SLC12A5: variants seen among roughly 807,000 people sequenced by gnomAD.
SLC12A5 encodes the protein solute carrier family 12 member 5.
Under a neutral mutation model 124.0 loss-of-function variants are expected in SLC12A5, and 18 were observed. That is an observed-to-expected ratio of 0.15 (90% CI 0.10 to 0.22). SLC12A5 has a LOEUF of 0.22. Ranked by LOEUF, SLC12A5 falls within the 10% of genes least tolerant of loss-of-function variation. The pLI, the probability that SLC12A5 is intolerant of heterozygous loss-of-function variation, is 1.00. For synonymous variants in SLC12A5, 589 were observed against 568.0 expected, an observed-to-expected ratio of 1.04 and a Z score of -0.53; for missense variants, 867 against 1,478.7, an observed-to-expected ratio of 0.59 and a Z score of 6.78.
intron 2 of SLC12A5, chr20:46,023,279 T>C: frequency 2.5e-6 from 1 of 398,540 alleles, no homozygotes; most frequent in Non-Finnish European, 4.4e-6. Flanking sequence ...TAATCTCTTT[T>C]CTCATTTTCA....
At chr20:46,042,452 C>T (rs1401390157) in intron 8 of SLC12A5, among the ~76,000 whole-genome samples, 1 of 152,088 alleles carries the variant, frequency 6.6e-6, no homozygotes. Context: ...GTGGGAATTA[C>T]TGCAGTGCTT....
rs2084513183 is a variant in SLC12A5 at position 46,037,995 on chromosome 20, G to C, written c.612+610G>C. ...GAAACCAGGTTGCTGGGCAGTGCTT[G>C]AAGTCAGGACTGGTGACTTAGGTCT... On this transcript the variant is annotated intron_variant, in intron 6 of 25. Transcript: ENST00000243964. Among the ~76,000 whole-genome samples, 2 of 152,148 alleles carry C rather than the reference G, an allele frequency of 1.3e-5. 1 individual carries two copies. Among genetic ancestry groups the C allele is most frequent in the South Asian group, 4.1e-4 (2 of 4,824 alleles).
Position 46,053,570 on chromosome 20 carries a change from G to C in SLC12A5, c.2548-8G>C. Reference sequence around the variant, plus strand: ...TGGACCTTTCTGAATCCCCTTCATCGCCTGCAGGTCTGGCGGAAGTGCAAG... The same window carrying C: ...TGGACCTTTCTGAATCCCCTTCATCCCCTGCAGGTCTGGCGGAAGTGCAAG... On this transcript the variant is annotated splice_region_variant and splice_polypyrimidine_tract_variant and intron_variant, in intron 19 of 25. Transcript: ENST00000243964. This position sits in a 1 kb window ranked among gnomAD's most constrained non-coding sequence, Gnocchi z 4.7. 1 of 1,613,320 alleles carries C rather than the reference G, an allele frequency of 6.2e-7. No homozygotes were observed. Among genetic ancestry groups the C allele is most frequent in the Non-Finnish European group, 8.5e-7 (1 of 1,179,586 alleles).
rs771764422 is a variant in SLC12A5 at position 46,045,541 on chromosome 20, TAC to T, written c.1570-336_1570-335del. The stretch of plus-strand genomic sequence containing the variant: ...CAAAGGGCAAGAAAAGGGTAGCTTT[TAC>T]CATGGTGCTAAAAAAAAAAGACGGA... On this transcript the variant is annotated intron_variant, in intron 12 of 25. Transcript: ENST00000243964. This position sits in a 1 kb window ranked among gnomAD's most constrained non-coding sequence, Gnocchi z 4.9. 6.0e-5 allele frequency among the ~76,000 whole-genome samples: 9 copies of T among 149,992 alleles called. No homozygotes were observed. Among genetic ancestry groups the T allele is most frequent in the Non-Finnish European group, 1.0e-4 (7 of 67,958 alleles).
chr20:46,056,075 C>G lies in SLC12A5; in HGVS notation c.2788-75C>G. ...AAAGTGCATCCTGGCTGAACATCATCTCTGGTGATAGCTCTTTGCAGGGCA... is the reference window on the plus strand; with the variant it reads ...AAAGTGCATCCTGGCTGAACATCATGTCTGGTGATAGCTCTTTGCAGGGCA... On this transcript the variant is annotated intron_variant, in intron 21 of 25. Coordinates refer to ENST00000243964, the MANE Select transcript of SLC12A5 (RefSeq NM_020708.5). The surrounding 1 kb of genome is among the most constrained non-coding windows in gnomAD (Gnocchi z 4.3). 6.3e-7 allele frequency: 1 copy of G among 1,584,350 alleles called. No individual in the cohort carries two copies. The highest frequency in any genetic ancestry group is 8.6e-7 in the Non-Finnish European group (1 of 1,164,284).
Position 46,056,238 on chromosome 20 carries a change from C to G in SLC12A5, c.2876C>G (p.Thr959Arg). The change falls in exon 22 of 26, where the codon ACG becomes AGG. Residue 959 changes from threonine to arginine, a missense_variant. Physicochemically the swap from Thr to Arg is moderately conservative, Grantham distance 71. Transcript: ENST00000243964. The surrounding 1 kb of genome is among the most constrained non-coding windows in gnomAD (Gnocchi z 4.3). ...CTCCGCCTGAACGTCCCAGAAGAGA[C>G]GGCTGGTGACAGTGAAGAGAAGCCA... ...TRLRLNVPEE[T>R]AGDSEEKPEE... 6.2e-7 allele frequency: 1 copy of G among 1,614,156 alleles called. No homozygotes were observed. The highest frequency in any genetic ancestry group is 1.3e-5 in the African/African-American group (1 of 75,040).
At position 46,023,084 on chromosome 20, in the gene SLC12A5, CG is replaced by C. The variant is rs1600582061; in HGVS notation, c.190+14del. The C allele has an allele frequency of 2.5e-5, 10 of 399,902 alleles. No individual in the cohort carries two copies. In the East Asian group the frequency reaches 3.6e-4, roughly 14 times the overall value. The allele number at this position is 399,902 out of a possible 1,614,324, so 24.8% of individuals were successfully genotyped here. A position where few individuals can be genotyped will look rare whatever the true frequency, so the allele number is the denominator to read the frequency against. ...TGCCGAGCCGCAGGTGAGCTCGCCC[CG>C]AAGCAAACCCAAGCGCCGAAACCCC... On this transcript the variant is annotated intron_variant, in intron 2 of 2. Transcript: ENST00000413737.
rs537107822 is a variant in SLC12A5 at position 46,053,831 on chromosome 20, A to G, written c.2679+122A>G. On this transcript the variant is annotated intron_variant, in intron 20 of 25. Coordinates refer to ENST00000243964, the MANE Select transcript of SLC12A5 (RefSeq NM_020708.5). This position sits in a 1 kb window ranked among gnomAD's most constrained non-coding sequence, Gnocchi z 4.7. ...ATGCTGGATCCTTTCCCCCTCATCCATCTCTTAGCCTCTCACATATTCAGC... is the reference window on the plus strand; with the variant it reads ...ATGCTGGATCCTTTCCCCCTCATCCGTCTCTTAGCCTCTCACATATTCAGC... 50 of 1,142,510 alleles carry G rather than the reference A, an allele frequency of 4.4e-5. No homozygotes were observed. The highest frequency in any genetic ancestry group is 5.3e-5 in the Non-Finnish European group (44 of 832,692). 70.8% of individuals were successfully genotyped at this position (1,142,510 alleles called of 1,614,324 possible).
chr20:46,025,903 G>A (rs945459797), upstream of SLC12A5, among the ~76,000 whole-genome samples: 1 of 152,174 alleles, frequency 6.6e-6, no homozygotes, highest in Non-Finnish European at 1.5e-5. Flanking sequence ...GTAATGCAGT[G>A]GAGATGCGGA....
intron 1 of SLC12A5, among the ~76,000 whole-genome samples, chr20:46,030,017 G>A (rs1173377740): frequency 2.6e-5 from 4 of 151,852 alleles, no homozygotes; most frequent in Admixed American, 2.6e-4. Flanking sequence ...TGTCCCCTTG[G>A]TGCAATCTGG....
chr20:46,044,640 CA>C, intron 11 of SLC12A5: 2 of 343,692 alleles, frequency 5.8e-6, no homozygotes, highest in Non-Finnish European at 1.1e-5. Context: ...TGAGCACACA[CA>C]ACTGGCCGGG....
chr20:46,042,375 G>A (rs2145490471), intron 8 of SLC12A5, among the ~76,000 whole-genome samples: 1 of 152,288 alleles, frequency 6.6e-6, no homozygotes, highest in Middle Eastern at 3.4e-3. Flanking sequence ...CCCAGGAAGG[G>A]GCTGAGGCTA....
In SLC12A5 at chr20:46,058,784, G is replaced by A. The variant is rs1400221585; in HGVS notation, c.*1179G>A. 4 of 398,286 alleles carry A rather than the reference G, an allele frequency of 1.0e-5. No individual in the cohort carries two copies. The highest frequency in any genetic ancestry group is 1.8e-5 in the Non-Finnish European group (4 of 226,120). 24.7% of individuals were successfully genotyped at this position (398,286 alleles called of 1,614,324 possible). A position where few individuals can be genotyped will look rare whatever the true frequency, so the allele number is the denominator to read the frequency against. On this transcript the variant is annotated 3_prime_UTR_variant, in exon 26 of 26. Transcript: ENST00000243964. This position sits in a 1 kb window ranked among gnomAD's most constrained non-coding sequence, Gnocchi z 5.8. Reference sequence around the variant, plus strand: ...GGTTTAGGGGCCGGACCCACTGAGAGGCCCCAGAGCCGCCCGTGATGTTCC... The same window carrying A: ...GGTTTAGGGGCCGGACCCACTGAGAAGCCCCAGAGCCGCCCGTGATGTTCC...
intron 11 of SLC12A5, 159 bp from the exon 12 acceptor site, chr20:46,044,807 A>C (rs2084579042): frequency 1.3e-6 from 1 of 787,744 alleles, no homozygotes; most frequent in Non-Finnish European, 2.0e-6. Context: ...TTTATCAAGG[A>C]AAAAACAATG....
Position 46,057,314 on chromosome 20 carries a change from A to T in SLC12A5, c.3259+11A>T. 1 of 1,613,872 alleles carries T rather than the reference A, an allele frequency of 6.2e-7. No homozygotes were observed. Among genetic ancestry groups the T allele is most frequent in the African/African-American group, 1.3e-5 (1 of 75,054 alleles). ...ATGGTGATGAAAACTGTATCCTGGA[A>T]TTAAAATTGGGGGAAAGAGGGAGGT... is the stretch of plus-strand genomic sequence containing the variant. On this transcript the variant is annotated intron_variant, in intron 25 of 25. Transcript: ENST00000243964. This position sits in a 1 kb window ranked among gnomAD's most constrained non-coding sequence, Gnocchi z 7.1.
rs1023311007 is a variant in SLC12A5 at position 46,058,715 on chromosome 20, G to T, written c.*1110G>T. 7.5e-6 allele frequency: 3 copies of T among 398,924 alleles called. No homozygotes were observed. The highest frequency in any genetic ancestry group is 6.2e-5 in the African/African-American group (3 of 48,650). The allele number at this position is 398,924 out of a possible 1,614,324, so 24.7% of individuals were successfully genotyped here. On this transcript the variant is annotated 3_prime_UTR_variant, in exon 26 of 26. Transcript: ENST00000243964. The surrounding 1 kb of genome is among the most constrained non-coding windows in gnomAD (Gnocchi z 5.8). ...GGAGCTGGAGGGCGCCCCCTCCCCGGAGTTTCCTCCCTGGGACAAGTGAGG... is the reference window on the plus strand; with the variant it reads ...GGAGCTGGAGGGCGCCCCCTCCCCGTAGTTTCCTCCCTGGGACAAGTGAGG...
chr20:46,049,860 T>C, intron 17 of SLC12A5, 70 bp downstream of exon 17: 3 of 1,452,120 alleles, frequency 2.1e-6, no homozygotes, highest in Non-Finnish European at 2.7e-6. Flanking sequence ...TATCCTTTTG[T>C]ACTTTCCTTC....
At chr20:46,029,424 G>A (rs1374687316) in intron 1 of SLC12A5, 28 bp downstream of exon 1, 3 of 1,487,532 alleles carry the variant, frequency 2.0e-6, no homozygotes, top group Non-Finnish European at 1.8e-6. Context: ...GGCGGCGGGG[G>A]AGGGGGCAGC....
In SLC12A5 at chr20:46,051,655, G is replaced by T. The variant is rs1272509948; in HGVS notation, c.2182-20G>T. ...CCAGGGAGGCCTGAGGCTGGTCCTT[G>T]TCTTTTCCCCCTCCCCTAGTCTATC... On this transcript the variant is annotated intron_variant, in intron 17 of 25. Coordinates refer to ENST00000243964, the MANE Select transcript of SLC12A5 (RefSeq NM_020708.5). The T allele has an allele frequency of 6.3e-7, 1 of 1,596,842 alleles. No homozygotes were observed. Among genetic ancestry groups the T allele is most frequent in the Non-Finnish European group, 8.5e-7 (1 of 1,174,012 alleles).
Sources: gnomAD v4.1 joint callset for allele counts (sites outside exome capture counted in the v4.1 genomes callset) on GRCh38, gnomAD v4.1.1 for gene constraint, Gnocchi (gnomAD v3.1) non-coding constraint, MANE v1.5 for transcripts, NCBI Gene and HGNC (gene_info 2026-07-23, HGNC 2026-07-21) for gene names.